The following DTNA variants were observed in gnomAD, a reference collection of about 807,000 sequenced individuals.
The protein encoded by DTNA is dystrobrevin alpha, also known as dystrophin-related protein 3.
Under a neutral mutation model 100.7 loss-of-function variants are expected in DTNA, and 43 were observed. That is an observed-to-expected ratio of 0.43 (90% CI 0.33 to 0.55). The LOEUF (loss-of-function observed/expected upper bound fraction) is 0.55, where lower values mean the gene tolerates loss of function less well. Ranked by LOEUF, DTNA falls within the 20% of genes least tolerant of loss-of-function variation. DTNA has a pLI of 0.04. For missense variants in DTNA, 798 were observed against 953.9 expected (o/e 0.84, Z 2.15); for synonymous variants, 349 against 347.9 (o/e 1.00, Z -0.04).
Position 34,755,673 on chromosome 18 carries a change from A to C in DTNA, c.-1-303A>C, listed in dbSNP as rs572051552. The C allele has an allele frequency of 9.9e-4, 339 of 342,380 alleles. 3 individuals are homozygous for C. Among genetic ancestry groups the C allele is most frequent in the South Asian group, 9.5e-3 (332 of 35,116 alleles). 21.2% of individuals were successfully genotyped at this position (342,380 alleles called of 1,614,324 possible). The stretch of plus-strand genomic sequence containing the variant: ...AGAGAAACTGAATGGGAAACGAGTC[A>C]CCTAACAGATGGTAGATTGTTGTAT... On this transcript the variant is annotated intron_variant, in intron 1 of 22. Coordinates refer to ENST00000444659, the MANE Select transcript of DTNA (RefSeq NM_001386795.1).
At chr18:34,878,151 T>A (rs1260329815) in intron 19 of DTNA, among the ~76,000 whole-genome samples, 3 of 152,154 alleles carry the variant, frequency 2.0e-5, no homozygotes, top group Non-Finnish European at 4.4e-5. Context: ...TTTTTGTTGT[T>A]GTTTTCATAG....
intron 1 of DTNA, among the ~76,000 whole-genome samples, chr18:34,754,274 G>A (rs1279722473): frequency 2.0e-5 from 3 of 151,990 alleles, no homozygotes. Context: ...TTTGTACACA[G>A]CTCATTACCT....
rs16965705 is a variant in DTNA at position 34,640,286 on chromosome 18, A to G, written c.-1-115690A>G. The stretch of plus-strand genomic sequence containing the variant: ...TCCCTGCCTGCCTGTCCCTCCTCTG[A>G]GTTCTGTCTCCTTTTCCTCAACACT... On this transcript the variant is annotated intron_variant, in intron 1 of 19. Coordinates refer to the DTNA transcript ENST00000283365. Among the ~76,000 whole-genome samples, 675 of 152,196 alleles carry G rather than the reference A, an allele frequency of 4.4e-3. 3 individuals are homozygous for G. The highest frequency in any genetic ancestry group is 0.016 in the African/African-American group (651 of 41,526).
At chr18:34,860,220 G>GTTTTTTTTTTT (rs55673388) in intron 16 of DTNA, among the ~76,000 whole-genome samples, 12 of 80,274 alleles carry the variant, frequency 1.5e-4, no homozygotes, top group Non-Finnish European at 2.4e-4. Context: ...CTAATTTTTT[G>GTTTTTTTTTTT]TTTTTTTTTT....
intron 1 of DTNA, among the ~76,000 whole-genome samples, chr18:34,523,735 C>T (rs1048383583): frequency 6.6e-6 from 1 of 152,126 alleles, no homozygotes; most frequent in Admixed American, 6.6e-5. Context: ...AGAGCTCAAA[C>T]TTCAAGATCA....
rs2082669324 is a variant in DTNA at position 34,710,443 on chromosome 18, C to T, written c.-4C>T. On this transcript the variant is annotated splice_region_variant and 5_prime_UTR_variant, in exon 1 of 23. Transcript: ENST00000444659. ...ATGTTGGTGCATTTAACTACAAAAC[C>T]AGGTAAGGTACAATTGAATCTATGA... 1 of 152,020 alleles carries T rather than the reference C, an allele frequency of 6.6e-6. No homozygotes were observed. 9.4% of individuals were successfully genotyped at this position (152,020 alleles called of 1,614,324 possible).
chr18:34,864,336 C>T (rs2096668324), intron 17 of DTNA, among the ~76,000 whole-genome samples: 1 of 151,162 alleles, frequency 6.6e-6, no homozygotes, highest in African/African-American at 2.4e-5. Context: ...CTGCAAGCTC[C>T]GCCTCCCGGG....
chr18:34,680,346 G>A (rs2077933339), intron 1 of DTNA, among the ~76,000 whole-genome samples: 1 of 152,154 alleles, frequency 6.6e-6, no homozygotes, highest in Non-Finnish European at 1.5e-5. Flanking sequence ...CCATTTTTCA[G>A]CAGAATAGAG....
intron 3 of DTNA, among the ~76,000 whole-genome samples, chr18:34,781,459 T>C (rs2094317846): frequency 6.6e-6 from 1 of 152,222 alleles, no homozygotes; most frequent in Non-Finnish European, 1.5e-5. Flanking sequence ...GTCACCATGC[T>C]GTGCAATAGA....
chr18:34,605,015 T>A (rs1418374650), intron 1 of DTNA, among the ~76,000 whole-genome samples: 2 of 152,104 alleles, frequency 1.3e-5, no homozygotes, highest in Admixed American at 1.3e-4. Context: ...TCTTTTGTTT[T>A]TTTTAACTTA....
intron 17 of DTNA, among the ~76,000 whole-genome samples, chr18:34,874,941 A>T (rs1203324102): frequency 6.6e-6 from 1 of 152,212 alleles, no homozygotes; most frequent in African/African-American, 2.4e-5. Context: ...CACACCTTGT[A>T]ATTATCTGCA....
At chr18:34,770,784 C>CTT (rs10670584) in intron 3 of DTNA, among the ~76,000 whole-genome samples, 105,550 of 132,688 alleles carry the variant, frequency 0.8, 42,390 homozygotes, top group Admixed American at 0.84. Context: ...GAATTATATT[C>CTT]TTTTTTTTTT....
intron 1 of DTNA, among the ~76,000 whole-genome samples, chr18:34,541,519 C>G (rs1424007136): frequency 2.0e-5 from 3 of 152,048 alleles, no homozygotes; most frequent in African/African-American, 4.8e-5. Flanking sequence ...CCAACAAGCT[C>G]TCTTGCCTGC....
chr18:34,864,606 G>A (rs2096674135), intron 17 of DTNA, among the ~76,000 whole-genome samples: 1 of 152,146 alleles, frequency 6.6e-6, no homozygotes, highest in Non-Finnish European at 1.5e-5. Context: ...CCTTCATGGG[G>A]CAACTTCTTC....
At chr18:34,858,532 G>A (rs949987430) in intron 16 of DTNA, 134 bp downstream of exon 16, 15 of 823,984 alleles carry the variant, frequency 1.8e-5, no homozygotes, top group Middle Eastern at 2.5e-4. Context: ...TAGCACACAC[G>A]TAATTGCTGA....
intron 1 of DTNA, among the ~76,000 whole-genome samples, chr18:34,674,005 T>C (rs2077095032): frequency 1.3e-5 from 2 of 152,152 alleles, no homozygotes; most frequent in African/African-American, 2.4e-5. Flanking sequence ...AGTACACACA[T>C]GTTTCTGCAA....
intron 1 of DTNA, among the ~76,000 whole-genome samples, chr18:34,554,503 C>G (rs2045813538): frequency 6.6e-6 from 1 of 150,644 alleles, no homozygotes; most frequent in African/African-American, 2.4e-5. Flanking sequence ...ATGATATTGG[C>G]TGTGGGTTTG....
chr18:34,731,298 T>C (rs1003672489), intron 1 of DTNA, among the ~76,000 whole-genome samples: 1 of 151,424 alleles, frequency 6.6e-6, no homozygotes, highest in African/African-American at 2.4e-5. Context: ...GCTAACAAGG[T>C]GAAACCCCGT....
intron 1 of DTNA, among the ~76,000 whole-genome samples, chr18:34,621,293 A>G (rs1243427121): frequency 6.6e-6 from 1 of 151,158 alleles, no homozygotes; most frequent in African/African-American, 2.4e-5. Flanking sequence ...ACATCAATAT[A>G]TCCTGCAGAA....
Sources: gnomAD v4.1 joint callset for allele counts (sites outside exome capture counted in the v4.1 genomes callset) on GRCh38, gnomAD v4.1.1 for gene constraint, MANE v1.5 for transcripts, NCBI Gene and HGNC (gene_info 2026-07-23, HGNC 2026-07-21) for gene names.